The following AREL1 variants were observed in gnomAD, a reference collection of about 807,000 sequenced individuals.
The protein encoded by AREL1 is apoptosis-resistant E3 ubiquitin protein ligase 1.
A neutral mutation model predicts 99.0 loss-of-function variants in AREL1; 62 were observed. That is an observed-to-expected ratio of 0.63 (90% CI 0.51 to 0.77). AREL1 has a LOEUF of 0.77. Ranked by LOEUF, AREL1 falls within the 30% of genes least tolerant of loss-of-function variation. The pLI, the probability that AREL1 is intolerant of heterozygous loss-of-function variation, is 0.00. For missense variants in AREL1, 879 were observed against 1,027.6 expected, an observed-to-expected ratio of 0.86 and a Z score of 1.98; for synonymous variants, 380 against 376.5, an observed-to-expected ratio of 1.01 and a Z score of -0.11.
At chr14:74,666,986 C>T (rs2089222958) in intron 17 of AREL1, among the ~76,000 whole-genome samples, 1 of 152,120 alleles carries the variant, frequency 6.6e-6, no homozygotes, top group African/African-American at 2.4e-5. Flanking sequence ...TCCCAAAGTG[C>T]TGGGATTACA....
At chr14:74,705,982 A>G (rs1296278940) in intron 1 of AREL1, among the ~76,000 whole-genome samples, 2 of 152,356 alleles carry the variant, frequency 1.3e-5, no homozygotes, top group East Asian at 3.9e-4. Flanking sequence ...TTGTAACCTC[A>G]TGGGGAGAAA....
At chr14:74,664,592 A>G (rs2089168172) in intron 18 of AREL1, among the ~76,000 whole-genome samples, 1 of 146,614 alleles carries the variant, frequency 6.8e-6, no homozygotes. Flanking sequence ...GACTACAGGC[A>G]TGTGCCACCA....
intron 15 of AREL1, 127 bp from the exon 16 acceptor site, chr14:74,667,721 T>C: frequency 1.6e-6 from 2 of 1,253,178 alleles, no homozygotes; most frequent in East Asian, 2.5e-5. Flanking sequence ...AAGTTTCTGC[T>C]GTGCATTCAG....
intron 1 of AREL1, among the ~76,000 whole-genome samples, chr14:74,694,427 T>C (rs778359450): frequency 1.3e-5 from 2 of 152,180 alleles, no homozygotes; most frequent in African/African-American, 4.8e-5. Context: ...CAAAACTGTT[T>C]ATGTAGCACA....
At chr14:74,681,807 G>GC (rs1296169057) in intron 5 of AREL1, among the ~76,000 whole-genome samples, 1 of 151,532 alleles carries the variant, frequency 6.6e-6, no homozygotes, top group African/African-American at 2.4e-5. Flanking sequence ...AAACAGGTTG[G>GC]GGGGGATAGG....
At chr14:74,678,695 C>CA (rs71119311) in intron 5 of AREL1, among the ~76,000 whole-genome samples, 1,633 of 95,318 alleles carry the variant, frequency 0.017, 24 homozygotes, top group African/African-American at 0.03. Context: ...CATGTATAAG[C>CA]AAAAAAAAAA....
intron 2 of AREL1, among the ~76,000 whole-genome samples, chr14:74,688,191 A>G (rs2089791420): frequency 6.6e-6 from 1 of 151,620 alleles, no homozygotes; most frequent in African/African-American, 2.4e-5. Context: ...ATGCCCAGCT[A>G]ATTTTTTGTA....
In AREL1 at chr14:74,705,989, G is replaced by C. The variant is rs76131377; in HGVS notation, c.-334+6944C>G. 2.0e-4 allele frequency among the ~76,000 whole-genome samples: 30 copies of C among 152,312 alleles called. 1 individual carries two copies. In the East Asian group the frequency reaches 5.8e-3, roughly 29 times the overall value. On this transcript the variant is annotated intron_variant, in intron 1 of 19. Transcript: ENST00000356357. ...TGCTCATTTTGTAACCTCATGGGGA[G>C]AAAAACAAAAGAGAAAACTGGCTCA... is the stretch of plus-strand genomic sequence containing the variant.
intron 3 of AREL1, among the ~76,000 whole-genome samples, chr14:74,685,369 T>C (rs2089724942): frequency 1.3e-5 from 2 of 152,186 alleles, no homozygotes; most frequent in Non-Finnish European, 2.9e-5. Flanking sequence ...AAGGCAGATT[T>C]TTGTCTTATT....
Position 74,692,245 on chromosome 14 carries a change from G to C in AREL1, c.-250C>G, listed in dbSNP as rs1008359007. On this transcript the variant is annotated 5_prime_UTR_variant, in exon 2 of 20. Transcript: ENST00000356357. ...GATGAACTGGATGAACTCCAGGGTA[G>C]AGAAATACAGCCCAAGAATATATCA... 11 of 456,470 alleles carry C rather than the reference G, an allele frequency of 2.4e-5. No individual in the cohort carries two copies. Among genetic ancestry groups the C allele is most frequent in the Non-Finnish European group, 4.4e-5 (10 of 226,976 alleles). The allele number at this position is 456,470 out of a possible 1,614,324, so 28.3% of individuals were successfully genotyped here. A position where few individuals can be genotyped will look rare whatever the true frequency, so the allele number is the denominator to read the frequency against.
Position 74,670,099 on chromosome 14 carries a change from G to A in AREL1, c.1636C>T (p.His546Tyr), listed in dbSNP as rs1257011802. The stretch of plus-strand genomic sequence containing the variant: ...AACTCATACATTTTCAGGCGCAGAT[G>A]AGCGGGGCGATTAGGGTTGGGATGC... ...LVHPNPNRPA[H>Y]LRLKMYEFAG... The change falls in exon 14 of 20, where the codon CAT becomes TAT. Residue 546 changes from histidine to tyrosine, a missense_variant. Transcript: ENST00000356357. 2 of 1,612,348 alleles carry A rather than the reference G, an allele frequency of 1.2e-6. No homozygotes were observed. The highest frequency in any genetic ancestry group is 2.2e-5 in the East Asian group (1 of 44,854).
intron 1 of AREL1, among the ~76,000 whole-genome samples, chr14:74,707,238 G>A (rs2090195022): frequency 6.6e-6 from 1 of 151,888 alleles, no homozygotes; most frequent in South Asian, 2.1e-4. Flanking sequence ...CGTGGTGGCA[G>A]GCGCCTGTAA....
In AREL1 at chr14:74,670,088, C is replaced by CG. The variant is rs1336043131; in HGVS notation, c.1646_1647insC (p.Lys550GlufsTer4). On this transcript the variant is annotated frameshift_variant, in exon 14 of 20. Transcript: ENST00000356357. LOFTEE classifies it high-confidence loss of function. ...GCCGTCCCGCAAACTCATACATTTT[C>CG]AGGCGCAGATGAGCGGGGCGATTAG... 1.2e-6 allele frequency: 2 copies of CG among 1,613,458 alleles called. No homozygotes were observed. Among genetic ancestry groups the CG allele is most frequent in the Non-Finnish European group, 1.7e-6 (2 of 1,179,534 alleles).
At chr14:74,668,957 A>G (rs1310696420) in intron 15 of AREL1, among the ~76,000 whole-genome samples, 1 of 152,174 alleles carries the variant, frequency 6.6e-6, no homozygotes, top group African/African-American at 2.4e-5. Context: ...AGCTTACTGC[A>G]GCCTTAACCT....
intron 1 of AREL1, among the ~76,000 whole-genome samples, chr14:74,699,869 T>C (rs2090050981): frequency 6.6e-6 from 1 of 152,192 alleles, no homozygotes; most frequent in African/African-American, 2.4e-5. Flanking sequence ...GGAGCAAGAC[T>C]TGGAGAATAA....
At position 74,674,094 on chromosome 14, in the gene AREL1, C is replaced by A. The variant is rs769970780; in HGVS notation, c.1098G>T (p.Glu366Asp). 1.2e-6 allele frequency: 2 copies of A among 1,613,786 alleles called. No homozygotes were observed. Among genetic ancestry groups the A allele is most frequent in the Non-Finnish European group, 1.7e-6 (2 of 1,179,754 alleles). The change falls in exon 9 of 20, where the codon GAG (glutamate) becomes GAT (aspartate). Residue 366 changes from glutamate (E) to aspartate (D), a missense_variant. Physicochemically the swap from Glu to Asp is conservative, Grantham distance 45. Coordinates refer to ENST00000356357, the MANE Select transcript of AREL1 (RefSeq NM_001039479.2). ...GCCAGGGGATGATCTTCAGGTAGAA[C>A]TCCTTCACTGAGAATTGCTGGAGGA... ...YVSPKQFSVK[E>D]FYLKIIPWRL...
chr14:74,678,918 T>C (rs947831938), intron 5 of AREL1, among the ~76,000 whole-genome samples: 2 of 152,036 alleles, frequency 1.3e-5, no homozygotes, highest in Non-Finnish European at 1.5e-5. Context: ...TGAGACAGGG[T>C]CTCACTTTGT....
chr14:74,697,155 TACACAC>T lies in AREL1; in HGVS notation c.-333-4833_-333-4828del, dbSNP rs112999456. 7.5e-5 allele frequency among the ~76,000 whole-genome samples: 11 copies of T among 147,450 alleles called. No individual in the cohort carries two copies. The East Asian group carries it at 1.8e-3, about 24-fold the overall frequency. Reference sequence around the variant, plus strand: ...ACAGAGAGAGAGATCCTGTCACACATACACACACACACACACACACAGCCATGAAAA... The same window carrying T: ...ACAGAGAGAGAGATCCTGTCACACATACACACACACACACAGCCATGAAAA... On this transcript the variant is annotated intron_variant, in intron 1 of 19. Coordinates refer to ENST00000356357, the MANE Select transcript of AREL1 (RefSeq NM_001039479.2).
In AREL1 at chr14:74,664,072, GACC is replaced by G. The variant is rs1374032568; in HGVS notation, c.2194-1_2195del. 1 of 1,612,866 alleles carries G rather than the reference GACC, an allele frequency of 6.2e-7. No individual in the cohort carries two copies. The highest frequency in any genetic ancestry group is 8.5e-7 in the Non-Finnish European group (1 of 1,179,322). On this transcript the variant is annotated splice_acceptor_variant and coding_sequence_variant, in exon 19 of 20. Transcript: ENST00000356357. LOFTEE classifies it high-confidence loss of function. ...AAACCACAGTCCAAAACCACCTCATGACCTGGCAGGGAGAGCACAAGGCTGGGA... is the reference window on the plus strand; with the variant it reads ...AAACCACAGTCCAAAACCACCTCATGTGGCAGGGAGAGCACAAGGCTGGGA...
Sources: allele counts gnomAD v4.1 joint callset (sites outside exome capture counted in the v4.1 genomes callset), GRCh38; gene constraint gnomAD v4.1.1; transcripts MANE v1.5; gene names NCBI Gene and HGNC (gene_info 2026-07-23, HGNC 2026-07-21).